Variants in RSU1 observed in about 807,000 individuals in gnomAD.
The protein encoded by RSU1 is rsu-1.
Under a neutral mutation model 31.1 loss-of-function variants are expected in RSU1, and 26 were observed. The ratio of observed to expected loss-of-function variants is 0.84; its 90% CI spans 0.61 to 1.16. The LOEUF (loss-of-function observed/expected upper bound fraction) is 1.16. Ranked by LOEUF, RSU1 falls within the 50% of genes most tolerant of loss-of-function variation. RSU1 has a pLI of 0.00. For missense variants in RSU1, 320 were observed against 339.1 expected, an observed-to-expected ratio of 0.94 and a Z score of 0.44; for synonymous variants, 164 against 136.3, an observed-to-expected ratio of 1.20 and a Z score of -1.41.
chr10:16,645,268 A>C (rs1036227667), intron 8 of RSU1, among the ~76,000 whole-genome samples: 1 of 152,198 alleles, frequency 6.6e-6, no homozygotes, highest in African/African-American at 2.4e-5. Context: ...TTTAAAATGC[A>C]GAAGTATTCA....
At chr10:16,813,207 G>A (rs1310005314) in intron 2 of RSU1, among the ~76,000 whole-genome samples, 3 of 152,108 alleles carry the variant, frequency 2.0e-5, no homozygotes, top group Non-Finnish European at 4.4e-5. Flanking sequence ...ACGAGAATGT[G>A]TGTGCAAATT....
chr10:16,608,267 G>A (rs1040174168), intron 8 of RSU1, among the ~76,000 whole-genome samples: 7 of 152,162 alleles, frequency 4.6e-5, no homozygotes, highest in Non-Finnish European at 7.3e-5. Context: ...CAGCACTTTC[G>A]GAGCCTGAGG....
At chr10:16,622,882 G>C (rs1357653836) in intron 8 of RSU1, among the ~76,000 whole-genome samples, 1 of 152,170 alleles carries the variant, frequency 6.6e-6, no homozygotes, top group Non-Finnish European at 1.5e-5. Flanking sequence ...TAATTTAAAA[G>C]AACTGCAATT....
chr10:16,715,161 A>G (rs182892611), intron 7 of RSU1, among the ~76,000 whole-genome samples: 1 of 152,226 alleles, frequency 6.6e-6, no homozygotes, highest in Admixed American at 6.5e-5. Flanking sequence ...TCGTCACTCT[A>G]GTTGAAATAT....
At chr10:16,737,680 T>C (rs1475551312) in intron 7 of RSU1, among the ~76,000 whole-genome samples, 1 of 151,614 alleles carries the variant, frequency 6.6e-6, no homozygotes, top group Non-Finnish European at 1.5e-5. Context: ...GCATCAGAAA[T>C]GGTAAATAGA....
chr10:16,717,169 G>C (rs1462056544), intron 7 of RSU1, among the ~76,000 whole-genome samples: 2 of 152,080 alleles, frequency 1.3e-5, no homozygotes, highest in Non-Finnish European at 2.9e-5. Flanking sequence ...TGTAAAAATG[G>C]CTTGTTTCAG....
intron 8 of RSU1, among the ~76,000 whole-genome samples, chr10:16,637,902 A>G (rs779937411): frequency 6.6e-6 from 1 of 152,126 alleles, no homozygotes; most frequent in Non-Finnish European, 1.5e-5. Flanking sequence ...CAGTACCCGC[A>G]TCCCTAGACT....
chr10:16,788,281 A>G (rs926875221), intron 2 of RSU1, among the ~76,000 whole-genome samples: 4 of 152,176 alleles, frequency 2.6e-5, no homozygotes, highest in African/African-American at 9.7e-5. Flanking sequence ...TCCCCTATGC[A>G]TGGCTCCCAC....
chr10:16,659,838 A>G (rs1256261400), intron 8 of RSU1, among the ~76,000 whole-genome samples: 1 of 152,246 alleles, frequency 6.6e-6, no homozygotes, highest in African/African-American at 2.4e-5. Context: ...GGTGTCCACC[A>G]TGATAGGTCT....
At chr10:16,596,689 A>G (rs146102230) in intron 8 of RSU1, among the ~76,000 whole-genome samples, 79 of 152,270 alleles carry the variant, frequency 5.2e-4, no homozygotes, top group African/African-American at 1.8e-3. Context: ...ACGTATGTAC[A>G]TTTTTATTCA....
intron 8 of RSU1, among the ~76,000 whole-genome samples, chr10:16,671,404 A>T (rs1487769893): frequency 6.6e-6 from 1 of 152,092 alleles, no homozygotes; most frequent in East Asian, 1.9e-4. Flanking sequence ...CATTCTCCTG[A>T]TAGGGACCTG....
intron 2 of RSU1, among the ~76,000 whole-genome samples, chr10:16,787,482 C>T (rs1448686859): frequency 2.6e-5 from 4 of 152,144 alleles, no homozygotes; most frequent in Non-Finnish European, 5.9e-5. Flanking sequence ...CACCCCTGAA[C>T]GCCTCTGTTT....
At chr10:16,629,979 C>G (rs752631028) in intron 8 of RSU1, among the ~76,000 whole-genome samples, 1 of 152,110 alleles carries the variant, frequency 6.6e-6, no homozygotes, top group Non-Finnish European at 1.5e-5. Flanking sequence ...ACTTAACTCT[C>G]TTTGAGAAAA....
intron 2 of RSU1, among the ~76,000 whole-genome samples, chr10:16,798,292 A>G (rs1838082740): frequency 1.3e-5 from 2 of 152,340 alleles, no homozygotes; most frequent in African/African-American, 4.8e-5. Flanking sequence ...AAAAATCACA[A>G]TAAAAATACT....
rs550272760 is a variant in RSU1, at chr10:16,593,317, T to A, written c.*77A>T. 1 of 1,602,282 alleles carries A rather than the reference T, an allele frequency of 6.2e-7. No homozygotes were observed. Among genetic ancestry groups the A allele is most frequent in the African/African-American group, 1.3e-5 (1 of 74,464 alleles). ...GGCCTCACACGCAGCATTGGGTTTA[T>A]TTGAGAGACAGGGCAAGAGAGAATG... On this transcript the variant is annotated 3_prime_UTR_variant, in exon 9 of 9. Transcript: ENST00000345264.
intron 8 of RSU1, among the ~76,000 whole-genome samples, chr10:16,638,635 G>A (rs1243180973): frequency 6.6e-6 from 1 of 152,182 alleles, no homozygotes; most frequent in African/African-American, 2.4e-5. Flanking sequence ...ATGCCCAGAG[G>A]CTAGCATATA....
chr10:16,636,744 A>C (rs567904481), intron 8 of RSU1, among the ~76,000 whole-genome samples: 1 of 152,232 alleles, frequency 6.6e-6, no homozygotes, highest in East Asian at 1.9e-4. Context: ...GGGTGGGTGC[A>C]CTTGCCAGTC....
chr10:16,689,144 C>A (rs1294158350), intron 8 of RSU1, among the ~76,000 whole-genome samples: 1 of 152,172 alleles, frequency 6.6e-6, no homozygotes, highest in African/African-American at 2.4e-5. Context: ...CATTGTTCTA[C>A]ATACTGATTG....
intron 8 of RSU1, among the ~76,000 whole-genome samples, chr10:16,676,463 T>A (rs897450623): frequency 6.6e-6 from 1 of 152,140 alleles, no homozygotes; most frequent in South Asian, 2.1e-4. Flanking sequence ...TTCAATTATC[T>A]CCCACTGGGT....
Sources: allele counts gnomAD v4.1 joint callset (sites outside exome capture counted in the v4.1 genomes callset), GRCh38; gene constraint gnomAD v4.1.1; transcripts MANE v1.5; gene names NCBI Gene and HGNC (gene_info 2026-07-23, HGNC 2026-07-21).